FBXW8: variants seen among roughly 807,000 people sequenced by gnomAD.
FBXW8 encodes F-box/WD repeat-containing protein 8.
Under a neutral mutation model 65.3 loss-of-function variants are expected in FBXW8, and 57 were observed. The ratio of observed to expected loss-of-function variants is 0.87; its 90% CI spans 0.71 to 1.09. The LOEUF (loss-of-function observed/expected upper bound fraction) is 1.09. FBXW8 is among the 50% of genes least tolerant of loss of function. The probability of loss-of-function intolerance (pLI) is 0.00; values close to 1 mark genes in which losing one functional copy is unlikely to be tolerated. For synonymous variants in FBXW8, 308 were observed against 330.2 expected (o/e 0.93, Z 0.73); for missense variants, 777 against 814.8 (o/e 0.95, Z 0.57).
chr12:116,914,455 C>T (rs1461392527), intron 1 of FBXW8, among the ~76,000 whole-genome samples: 1 of 150,062 alleles, frequency 6.7e-6, no homozygotes, highest in Non-Finnish European at 1.5e-5. Flanking sequence ...TTCCTGTAGT[C>T]CTCACTACCT....
intron 1 of FBXW8, among the ~76,000 whole-genome samples, chr12:116,925,049 A>G (rs915912481): frequency 1.3e-5 from 2 of 151,936 alleles, no homozygotes; most frequent in Non-Finnish European, 2.9e-5. Flanking sequence ...ACACAGGACT[A>G]TCGTGGGTCA....
chr12:116,971,418 T>C (rs183889460), intron 5 of FBXW8, among the ~76,000 whole-genome samples: 2 of 152,076 alleles, frequency 1.3e-5, no homozygotes, highest in East Asian at 1.9e-4. Context: ...GAAATCCTTT[T>C]TAGGGCGTTG....
intron 7 of FBXW8, among the ~76,000 whole-genome samples, chr12:117,006,964 G>A (rs1330230091): frequency 6.6e-6 from 1 of 152,208 alleles, no homozygotes; most frequent in Non-Finnish European, 1.5e-5. Context: ...AAAAGGAGTT[G>A]TGAAATAATC....
chr12:117,010,544 A>G (rs1953781976), intron 8 of FBXW8, 94 bp downstream of exon 8: 4 of 1,556,080 alleles, frequency 2.6e-6, no homozygotes, highest in African/African-American at 1.4e-5. Flanking sequence ...GTTCTCACTC[A>G]ACAGCTCTGC....
At chr12:116,970,671 G>A (rs941134468) in intron 5 of FBXW8, among the ~76,000 whole-genome samples, 12 of 152,186 alleles carry the variant, frequency 7.9e-5, no homozygotes, top group Non-Finnish European at 1.3e-4. Flanking sequence ...GATGACATTT[G>A]GATGTGATGA....
intron 2 of FBXW8, among the ~76,000 whole-genome samples, chr12:116,933,612 A>C (rs1881938683): frequency 6.6e-6 from 1 of 152,230 alleles, no homozygotes; most frequent in Non-Finnish European, 1.5e-5. Context: ...TTGTTAACCC[A>C]GTTGTTAGAG....
chr12:116,920,486 G>A (rs1880809690), intron 1 of FBXW8, among the ~76,000 whole-genome samples: 1 of 152,194 alleles, frequency 6.6e-6, no homozygotes, highest in African/African-American at 2.4e-5. Context: ...ACAAATAATT[G>A]TCAGGTAATA....
chr12:116,967,005 A>T (rs368839356), intron 5 of FBXW8, among the ~76,000 whole-genome samples: 9 of 151,488 alleles, frequency 5.9e-5, no homozygotes, highest in South Asian at 4.2e-4. Flanking sequence ...TTTTTTTTTT[A>T]AAGTCATAGT....
chr12:116,962,802 T>C (rs761209565), intron 4 of FBXW8, among the ~76,000 whole-genome samples: 2 of 152,182 alleles, frequency 1.3e-5, no homozygotes, highest in African/African-American at 4.8e-5. Flanking sequence ...TGTGTCTCTG[T>C]AGCTAAGCAA....
At chr12:116,918,565 C>T (rs1246562835) in intron 1 of FBXW8, among the ~76,000 whole-genome samples, 1 of 152,218 alleles carries the variant, frequency 6.6e-6, no homozygotes, top group African/African-American at 2.4e-5. Context: ...TGGCTACCAG[C>T]AACTCTAGTC....
At chr12:117,024,047 C>A in intron 8 of FBXW8, 100 bp from the exon 9 acceptor site, 3 of 1,230,726 alleles carry the variant, frequency 2.4e-6, no homozygotes, top group Non-Finnish European at 3.4e-6. Flanking sequence ...TTTTTCATAG[C>A]AGTGTTGTGC....
At chr12:116,941,539 T>TA (rs541076300) in intron 2 of FBXW8, among the ~76,000 whole-genome samples, 37 of 152,348 alleles carry the variant, frequency 2.4e-4, no homozygotes, top group African/African-American at 7.7e-4. Flanking sequence ...AAAACTTTAA[T>TA]GTGTCGTCAG....
chr12:116,980,626 A>T (rs1047280388), intron 5 of FBXW8, among the ~76,000 whole-genome samples: 9 of 151,658 alleles, frequency 5.9e-5, no homozygotes, highest in East Asian at 1.9e-4. Flanking sequence ...TATCAGATTT[A>T]AAAAAAAATA....
At chr12:116,916,221 T>C (rs1565895328) in intron 1 of FBXW8, among the ~76,000 whole-genome samples, 2 of 152,158 alleles carry the variant, frequency 1.3e-5, no homozygotes, top group Admixed American at 1.3e-4. Context: ...GAGTATTCAT[T>C]TGGGAGTGGA....
intron 8 of FBXW8, among the ~76,000 whole-genome samples, chr12:117,012,007 G>T (rs773721749): frequency 5.9e-5 from 9 of 152,136 alleles, no homozygotes; most frequent in Admixed American, 1.3e-4. Context: ...AATGGAGGAT[G>T]TGTGTAGGTT....
intron 4 of FBXW8, among the ~76,000 whole-genome samples, chr12:116,959,296 A>T (rs1033215870): frequency 1.3e-5 from 2 of 152,174 alleles, no homozygotes; most frequent in Admixed American, 6.5e-5. Flanking sequence ...TAAATTCCTT[A>T]TATTGCACTT....
At chr12:116,982,675 A>T (rs1200666478) in intron 5 of FBXW8, among the ~76,000 whole-genome samples, 3 of 148,102 alleles carry the variant, frequency 2.0e-5, no homozygotes, top group Non-Finnish European at 3.0e-5. Flanking sequence ...GCTCTGTGCT[A>T]CTCAACCTTG....
chr12:117,008,573 G>A (rs1953731452), intron 7 of FBXW8, among the ~76,000 whole-genome samples: 1 of 152,170 alleles, frequency 6.6e-6, no homozygotes, highest in Admixed American at 6.5e-5. Flanking sequence ...ATATTATAGT[G>A]TTGTTTTGAC....
In FBXW8 at chr12:116,949,650, T is replaced by A. The variant is rs1273508037; in HGVS notation, c.621T>A (p.His207Gln). 1.2e-6 allele frequency: 2 copies of A among 1,614,096 alleles called. No homozygotes were observed. Among genetic ancestry groups the A allele is most frequent in the East Asian group, 4.5e-5 (2 of 44,894 alleles). ...NRKGAVSELE[H>Q]VPDTVLCDVH... The stretch of plus-strand genomic sequence containing the variant: ...AAGGTGCCGTGAGCGAGCTGGAGCA[T>A]GTTCCTGACACAGTTTTGTGTGATG... Residue 207 changes from histidine to glutamine, a missense_variant, in exon 4 of 11, where the codon CAT becomes CAA. His to Gln is a conservative substitution (Grantham distance 24). Coordinates refer to ENST00000652555, the MANE Select transcript of FBXW8 (RefSeq NM_153348.3).
Sources: gnomAD v4.1 joint callset for allele counts (sites outside exome capture counted in the v4.1 genomes callset) on GRCh38, gnomAD v4.1.1 for gene constraint, MANE v1.5 for transcripts, NCBI Gene and HGNC (gene_info 2026-07-23, HGNC 2026-07-21) for gene names.